SSX2IP: variants seen among roughly 807,000 people sequenced by gnomAD.
SSX2IP encodes afadin- and alpha-actinin-binding protein.
A neutral mutation model predicts 84.9 loss-of-function variants in SSX2IP; 55 were observed. That is an observed-to-expected ratio of 0.65 (90% CI 0.52 to 0.81). The LOEUF (loss-of-function observed/expected upper bound fraction) is 0.81. SSX2IP is among the 30% of genes least tolerant of loss of function. The pLI, the probability that SSX2IP is intolerant of heterozygous loss-of-function variation, is 0.00. For synonymous variants in SSX2IP, 239 were observed against 234.7 expected, an observed-to-expected ratio of 1.02 and a Z score of -0.17; for missense variants, 664 against 705.2, an observed-to-expected ratio of 0.94 and a Z score of 0.66.
intron 1 of SSX2IP, among the ~76,000 whole-genome samples, chr1:84,689,280 T>G (rs1656242995): frequency 6.6e-6 from 1 of 152,300 alleles, no homozygotes; most frequent in Non-Finnish European, 1.5e-5. Flanking sequence ...ATACCAACCT[T>G]TCTAGTTCAG....
At chr1:84,688,322 C>A (rs1426376416) in intron 1 of SSX2IP, among the ~76,000 whole-genome samples, 2 of 152,136 alleles carry the variant, frequency 1.3e-5, no homozygotes, top group African/African-American at 4.8e-5. Flanking sequence ...CAAAACAAAC[C>A]CACATCGTAT....
In SSX2IP at chr1:84,670,733, TGAA is replaced by T; in HGVS notation, c.123_125del (p.Ser42del). Reference sequence around the variant, plus strand: ...TGTGCACATTTTTCGATAAAGGTATTGAAGAACATAGCACTTGCTGTGAGTATA... The same window carrying T: ...TGTGCACATTTTTCGATAAAGGTATTGAACATAGCACTTGCTGTGAGTATA... On this transcript the variant is annotated inframe_deletion, in exon 3 of 14. Coordinates refer to ENST00000342203, the MANE Select transcript of SSX2IP (RefSeq NM_001166293.2). 1.2e-6 allele frequency: 2 copies of T among 1,613,224 alleles called. No homozygotes were observed.
intron 1 of SSX2IP, among the ~76,000 whole-genome samples, chr1:84,673,793 C>G (rs1384062214): frequency 6.6e-6 from 1 of 152,056 alleles, no homozygotes; most frequent in African/African-American, 2.4e-5. Flanking sequence ...TGTAGAGAAG[C>G]ATATAATATA....
At chr1:84,659,948 A>G (rs1041073997) in intron 8 of SSX2IP, among the ~76,000 whole-genome samples, 3 of 152,194 alleles carry the variant, frequency 2.0e-5, no homozygotes, top group African/African-American at 4.8e-5. Flanking sequence ...AGGTGGGATG[A>G]CTGTTTAAGC....
chr1:84,684,767 T>C (rs780364288), intron 1 of SSX2IP, among the ~76,000 whole-genome samples: 5 of 151,888 alleles, frequency 3.3e-5, no homozygotes, highest in Non-Finnish European at 5.9e-5. Context: ...ATGCACAAAA[T>C]GGAATATTAT....
chr1:84,665,876 A>T (rs1652710545), intron 5 of SSX2IP, among the ~76,000 whole-genome samples: 1 of 152,308 alleles, frequency 6.6e-6, no homozygotes. Flanking sequence ...AGTCCAGGAC[A>T]CTGGCTGTTA....
chr1:84,675,731 T>A (rs917030740), intron 1 of SSX2IP, among the ~76,000 whole-genome samples: 1 of 152,180 alleles, frequency 6.6e-6, no homozygotes, highest in African/African-American at 2.4e-5. Context: ...AAAATGCAGA[T>A]TCAATGAACC....
chr1:84,676,386 C>CT (rs1272028693), intron 1 of SSX2IP, among the ~76,000 whole-genome samples: 1 of 152,078 alleles, frequency 6.6e-6, no homozygotes, highest in Non-Finnish European at 1.5e-5. Context: ...TCTTATAATA[C>CT]TTTTAGTAAA....
intron 11 of SSX2IP, among the ~76,000 whole-genome samples, chr1:84,654,856 T>C (rs1650844715): frequency 6.6e-6 from 1 of 152,066 alleles, no homozygotes; most frequent in South Asian, 2.1e-4. Flanking sequence ...GTGATAACAA[T>C]GAAAAATAAT....
chr1:84,653,568 C>G (rs1372032641), intron 11 of SSX2IP, among the ~76,000 whole-genome samples: 1 of 152,144 alleles, frequency 6.6e-6, no homozygotes, highest in Non-Finnish European at 1.5e-5. Context: ...TAATTACTCT[C>G]TTGGAGTAAT....
rs1570525273 is a variant in SSX2IP at position 84,643,954 on chromosome 1, T to A, written c.*3479A>T. The A allele has an allele frequency of 6.6e-6, 1 of 152,314 alleles. No homozygotes were observed. The highest frequency in any genetic ancestry group is 1.9e-4 in the East Asian group (1 of 5,170). The allele number at this position is 152,314 out of a possible 1,614,324, so 9.4% of individuals were successfully genotyped here. ...TAATTTAATCAATATCCACCCACTC[T>A]AATTTACATCCAGCTTGAAAAACAC... On this transcript the variant is annotated 3_prime_UTR_variant, in exon 14 of 14. Coordinates refer to ENST00000342203, the MANE Select transcript of SSX2IP (RefSeq NM_001166293.2).
intron 11 of SSX2IP, among the ~76,000 whole-genome samples, chr1:84,653,543 G>T (rs377633584): frequency 7.2e-5 from 11 of 152,338 alleles, no homozygotes; most frequent in African/African-American, 2.6e-4. Context: ...GGAGCAATAT[G>T]CAAAGTAGCA....
intron 8 of SSX2IP, among the ~76,000 whole-genome samples, chr1:84,661,723 A>G (rs1652010740): frequency 6.6e-6 from 1 of 152,230 alleles, no homozygotes; most frequent in South Asian, 2.1e-4. Context: ...CATAATACTA[A>G]AACAACTGAA....
intron 13 of SSX2IP, among the ~76,000 whole-genome samples, chr1:84,648,032 G>C (rs1446753625): frequency 9.2e-5 from 14 of 152,038 alleles, no homozygotes; most frequent in Admixed American, 9.2e-4. Flanking sequence ...AAGTTTTTTA[G>C]GTAACTTACG....
At position 84,670,649 on chromosome 1, in the gene SSX2IP, A is replaced by C. The variant is rs151279899; in HGVS notation, c.210T>G (p.Asp70Glu). ...DNIEQSISYLDQELTTFGFPS... is the reference protein window; with the variant it reads ...DNIEQSISYLEQELTTFGFPS... ...GTTTTTTACAAAAACATGTTACCTG[A>C]TCAAGATATGAGATACTCTGTTCAA... Residue 70 changes from aspartate (D) to glutamate (E), a missense_variant, in exon 3 of 14, where the codon GAT becomes GAG. By Grantham distance (45) the Asp-to-Glu change is conservative. Transcript: ENST00000342203. 7.4e-5 allele frequency: 117 copies of C among 1,588,944 alleles called. 1 individual carries two copies. In the African/African-American group the frequency reaches 1.4e-3, roughly 19 times the overall value.
chr1:84,685,963 T>C (rs903667632), intron 1 of SSX2IP, among the ~76,000 whole-genome samples: 13 of 152,224 alleles, frequency 8.5e-5, no homozygotes, highest in Non-Finnish European at 8.8e-5. Flanking sequence ...GAATTTTAAG[T>C]ATCTACTTTA....
chr1:84,679,954 A>T (rs1440982024), intron 1 of SSX2IP, among the ~76,000 whole-genome samples: 1 of 152,140 alleles, frequency 6.6e-6, no homozygotes, highest in Non-Finnish European at 1.5e-5. Context: ...CATTCTCTTA[A>T]CCATCACATA....
At chr1:84,677,969 G>A (rs11578078) in intron 1 of SSX2IP, among the ~76,000 whole-genome samples, 108,393 of 152,000 alleles carry the variant, frequency 0.71, 40,043 homozygotes, top group Middle Eastern at 0.81. Context: ...GCTAAATTTC[G>A]GAGTAATTTG....
chr1:84,655,984 C>T lies in SSX2IP; in HGVS notation c.1237G>A (p.Asp413Asn). Residue 413 changes from aspartate to asparagine, a missense_variant, in exon 11 of 14, where the codon GAT becomes AAT. Physicochemically the swap from Asp to Asn is conservative, Grantham distance 23. Coordinates refer to ENST00000342203, the MANE Select transcript of SSX2IP (RefSeq NM_001166293.2). ...LLQQQLATAY[D>N]DDTTSLLRDC... is the part of the protein sequence containing the mutation. The stretch of plus-strand genomic sequence containing the variant: ...CGTAATAGTGAAGTGGTATCATCAT[C>T]ATATGCAGTAGCGAGCTGCTGCTAT... The T allele has an allele frequency of 6.2e-7, 1 of 1,613,048 alleles. No individual in the cohort carries two copies. Among genetic ancestry groups the T allele is most frequent in the South Asian group, 1.1e-5 (1 of 91,000 alleles).
Sources: gnomAD v4.1 joint callset for allele counts (sites outside exome capture counted in the v4.1 genomes callset) on GRCh38, gnomAD v4.1.1 for gene constraint, MANE v1.5 for transcripts, NCBI Gene and HGNC (gene_info 2026-07-23, HGNC 2026-07-21) for gene names.